Variants in CDH2 observed in about 807,000 individuals in gnomAD.
CDH2 encodes cadherin-2.
A neutral mutation model predicts 92.0 loss-of-function variants in CDH2; 17 were observed. The ratio of observed to expected loss-of-function variants is 0.18; its 90% CI spans 0.13 to 0.28. The LOEUF (loss-of-function observed/expected upper bound fraction) is 0.28. CDH2 is among the 10% of genes least tolerant of loss of function. The pLI is 1.00. For synonymous variants in CDH2, 419 were observed against 415.9 expected, an observed-to-expected ratio of 1.01 and a Z score of -0.09; for missense variants, 862 against 1,133.1, an observed-to-expected ratio of 0.76 and a Z score of 3.44.
intron 2 of CDH2, among the ~76,000 whole-genome samples, chr18:28,123,866 C>A (rs984048193): frequency 1.3e-5 from 2 of 152,126 alleles, no homozygotes; most frequent in Non-Finnish European, 2.9e-5. Context: ...AGCCACAGAG[C>A]AGCAATTTAC....
chr18:28,164,217 G>A (rs2144358474), intron 1 of CDH2, among the ~76,000 whole-genome samples: 1 of 152,162 alleles, frequency 6.6e-6, no homozygotes, highest in African/African-American at 2.4e-5. Context: ...TAGATACACA[G>A]GCCCTGACAT....
intron 6 of CDH2, among the ~76,000 whole-genome samples, chr18:27,941,678 G>C (rs1909143002): frequency 6.6e-6 from 1 of 152,134 alleles, no homozygotes; most frequent in Admixed American, 6.5e-5. Flanking sequence ...ATTAAGAAGG[G>C]AAATATTAGA....
chr18:28,093,857 T>C (rs983628316), intron 2 of CDH2, among the ~76,000 whole-genome samples: 12 of 152,170 alleles, frequency 7.9e-5, no homozygotes, highest in African/African-American at 2.7e-4. Flanking sequence ...GTGAAGAGCA[T>C]ACACATATAA....
At chr18:28,134,839 T>G (rs191207817) in intron 2 of CDH2, among the ~76,000 whole-genome samples, 2 of 152,090 alleles carry the variant, frequency 1.3e-5, no homozygotes, top group Admixed American at 1.3e-4. Flanking sequence ...GATGGGAAAA[T>G]TGATGTGTAC....
chr18:27,966,637 G>A (rs544991475), intron 14 of CDH2, among the ~76,000 whole-genome samples: 16 of 152,322 alleles, frequency 1.1e-4, no homozygotes, highest in Admixed American at 9.8e-4. Context: ...ACAACAATTT[G>A]CTACAGCTGA....
chr18:27,999,896 A>C (rs2012712382), intron 7 of CDH2, among the ~76,000 whole-genome samples: 2 of 151,850 alleles, frequency 1.3e-5, no homozygotes, highest in African/African-American at 4.8e-5. Flanking sequence ...TTCTCATGAT[A>C]ATGCATGAGT....
intron 14 of CDH2, among the ~76,000 whole-genome samples, chr18:27,967,714 G>A (rs1220578078): frequency 6.6e-6 from 1 of 152,128 alleles, no homozygotes; most frequent in African/African-American, 2.4e-5. Context: ...TTTGGGTTTT[G>A]AGAATATTAA....
At chr18:27,941,760 G>T (rs569649288) in intron 6 of CDH2, among the ~76,000 whole-genome samples, 34 of 152,292 alleles carry the variant, frequency 2.2e-4, no homozygotes, top group African/African-American at 7.7e-4. Context: ...TATTAAATCT[G>T]CACTTTTTAT....
At chr18:28,095,953 C>T (rs1017690823) in intron 2 of CDH2, among the ~76,000 whole-genome samples, 7 of 151,912 alleles carry the variant, frequency 4.6e-5, no homozygotes, top group Non-Finnish European at 8.8e-5. Context: ...GGTTACAGCA[C>T]GAATTATGGT....
Position 28,147,717 on chromosome 18 carries a change from G to A in CDH2, c.128C>T (p.Ala43Val). 1 of 1,612,298 alleles carries A rather than the reference G, an allele frequency of 6.2e-7. No homozygotes were observed. Among genetic ancestry groups the A allele is most frequent in the Non-Finnish European group, 8.5e-7 (1 of 1,179,044 alleles). ...TTCATGCACATCCTTCGATAAGACTGCACTGTAAACATCTTCAGGAAATCC... is the reference window on the plus strand; with the variant it reads ...TTCATGCACATCCTTCGATAAGACTACACTGTAAACATCTTCAGGAAATCC... ...KTGFPEDVYSAVLSKDVHEGQ... is the reference protein window; with the variant it reads ...KTGFPEDVYSVVLSKDVHEGQ... Residue 43 changes from alanine (A) to valine (V), a missense_variant, in exon 2 of 16, where the codon GCA (alanine) becomes GTA (valine). By Grantham distance (64) the Ala-to-Val change is moderately conservative (BLOSUM62 0). Around this residue, in one of 5 missense-constraint regions of CDH2, gnomAD observed 159 missense variants for 177.2 expected, o/e 0.90. Coordinates refer to ENST00000269141, the MANE Select transcript of CDH2 (RefSeq NM_001792.5).
intron 2 of CDH2, 29 bp from the exon 3 acceptor site, chr18:28,013,938 T>C: frequency 6.4e-7 from 1 of 1,552,014 alleles, no homozygotes; most frequent in South Asian, 1.1e-5. Flanking sequence ...AGGTCAGTTA[T>C]TATAATTATA....
chr18:28,031,541 C>T (rs8092004), intron 2 of CDH2, among the ~76,000 whole-genome samples: 25,722 of 152,016 alleles, frequency 0.17, 2,455 homozygotes, highest in South Asian at 0.3. Context: ...TAACCTCATC[C>T]TTCTTTCCTC....
chr18:27,963,505 T>G lies in CDH2; in HGVS notation c.2366A>C (p.Gln789Pro), dbSNP rs1567939481. 6.2e-7 allele frequency: 1 copy of G among 1,614,052 alleles called. No homozygotes were observed. Among genetic ancestry groups the G allele is most frequent in the African/African-American group, 1.3e-5 (1 of 75,028 alleles). The change falls in exon 15 of 16, where the codon CAG becomes CCG. Residue 789 changes from glutamine (Q) to proline (P), a missense_variant. Around this residue, in one of 5 missense-constraint regions of CDH2, gnomAD observed 4 missense variants for 27.1 expected, o/e 0.15. Coordinates refer to ENST00000269141, the MANE Select transcript of CDH2 (RefSeq NM_001792.5). ...GEEDQDYDLSQLQQPDTVEPD... is the reference protein window; with the variant it reads ...GEEDQDYDLSPLQQPDTVEPD... The stretch of plus-strand genomic sequence containing the variant: ...CTCCACAGTGTCAGGCTGCTGCAGC[T>G]GGCTCAAGTCATAGTCCTGCAAAAA...
At chr18:28,034,420 T>C (rs1203652936) in intron 2 of CDH2, among the ~76,000 whole-genome samples, 3 of 149,590 alleles carry the variant, frequency 2.0e-5, no homozygotes, top group African/African-American at 7.3e-5. Context: ...GGGATAAAAT[T>C]GTTTTAAATA....
intron 6 of CDH2, among the ~76,000 whole-genome samples, chr18:27,939,183 G>C (rs1047172028): frequency 4.6e-5 from 7 of 152,106 alleles, no homozygotes; most frequent in African/African-American, 1.7e-4. Flanking sequence ...CTTCCTTGCA[G>C]CTACCAAATC....
At chr18:27,988,402 C>A in intron 11 of CDH2, 122 bp downstream of exon 11, 1 of 770,714 alleles carries the variant, frequency 1.3e-6, no homozygotes, top group Non-Finnish European at 2.1e-6. Flanking sequence ...AAAGCTGGAC[C>A]TCGGAATTAT....
Position 27,963,176 on chromosome 18 carries a change from C to A in CDH2, c.2514+181G>T, listed in dbSNP as rs7229404. Reference sequence around the variant, plus strand: ...ATTGATAGATCTCTTTTTGGTTGATCAAAGCAATTACATTTGTTGTTAATG... The same window carrying A: ...ATTGATAGATCTCTTTTTGGTTGATAAAAGCAATTACATTTGTTGTTAATG... On this transcript the variant is annotated intron_variant, in intron 15 of 15. Coordinates refer to ENST00000269141, the MANE Select transcript of CDH2 (RefSeq NM_001792.5). Among the ~76,000 whole-genome samples, 53,488 of 151,928 alleles carry A rather than the reference C, an allele frequency of 0.35. 10,470 individuals are homozygous for A. Among genetic ancestry groups the A allele is most frequent in the Non-Finnish European group, 0.45 (30,626 of 67,940 alleles).
At chr18:28,036,615 A>G (rs977157895) in intron 2 of CDH2, 16 of 1,108,024 alleles carry the variant, frequency 1.4e-5, no homozygotes, top group Non-Finnish European at 2.2e-5. Context: ...GGTATGTCAG[A>G]ATGAAAGCAG....
chr18:27,993,173 T>G (rs1358996975), intron 8 of CDH2, among the ~76,000 whole-genome samples: 1 of 152,230 alleles, frequency 6.6e-6, no homozygotes, highest in Admixed American at 6.5e-5. Flanking sequence ...GATAATTATA[T>G]GCTGACAAAG....
Sources: allele counts gnomAD v4.1 joint callset (sites outside exome capture counted in the v4.1 genomes callset), GRCh38; gene constraint gnomAD v4.1.1; regional missense constraint gnomAD v4.1.1; transcripts MANE v1.5; gene names NCBI Gene and HGNC (gene_info 2026-07-23, HGNC 2026-07-21).